NRCAM: variants seen among roughly 807,000 people sequenced by gnomAD.
The protein encoded by NRCAM is NgCAM-related cell adhesion molecule.
A neutral mutation model predicts 156.5 loss-of-function variants in NRCAM; 83 were observed. The observed-to-expected ratio is 0.53, with a 90% confidence interval of 0.44 to 0.64. NRCAM has a LOEUF of 0.64. NRCAM is among the 30% of genes least tolerant of loss of function. NRCAM has a pLI of 0.00. For missense variants in NRCAM, 1,417 were observed against 1,597.3 expected (o/e 0.89, Z 1.92); for synonymous variants, 538 against 563.9 (o/e 0.95, Z 0.65).
intron 20 of NRCAM, among the ~76,000 whole-genome samples, chr7:108,188,701 G>C (rs2068922145): frequency 7.1e-6 from 1 of 141,676 alleles, no homozygotes; most frequent in South Asian, 2.2e-4. Context: ...CAATGAGCTA[G>C]AAGACTGGGC....
At position 108,240,075 on chromosome 7, in the gene NRCAM, C is replaced by A. The variant is rs1235383454; in HGVS notation, c.-11G>T. ...TATTTTAAGCTGCATTAGCTTAACT[C>A]CTGCTGAGACTCACACACTGAATTT... On this transcript the variant is annotated 5_prime_UTR_variant, in exon 4 of 33. Coordinates refer to ENST00000379028, the MANE Select transcript of NRCAM (RefSeq NM_001037132.4). The A allele has an allele frequency of 1.3e-6, 2 of 1,563,438 alleles. No individual in the cohort carries two copies. The highest frequency in any genetic ancestry group is 1.8e-6 in the Non-Finnish European group (2 of 1,135,018).
chr7:108,312,849 G>A (rs1017770247), intron 2 of NRCAM, 118 bp from the exon 3 acceptor site: 2 of 152,114 alleles, frequency 1.3e-5, no homozygotes, highest in African/African-American at 4.8e-5. Context: ...TAAAGAGAGA[G>A]CCCTGCAAGG....
At chr7:108,215,835 A>C (rs2088241052) in intron 11 of NRCAM, among the ~76,000 whole-genome samples, 1 of 151,682 alleles carries the variant, frequency 6.6e-6, no homozygotes, top group African/African-American at 2.4e-5. Context: ...TCCTGAATAC[A>C]GCACACTGAT....
At chr7:108,175,259 T>C (rs1268424356) in intron 28 of NRCAM, 63 bp downstream of exon 28, 7 of 1,362,708 alleles carry the variant, frequency 5.1e-6, no homozygotes, top group Non-Finnish European at 7.1e-6. Flanking sequence ...CATGCTGCAC[T>C]TCCCCATGTT....
At chr7:108,294,058 AAGC>A (rs2098397482) in intron 3 of NRCAM, among the ~76,000 whole-genome samples, 1 of 152,196 alleles carries the variant, frequency 6.6e-6, no homozygotes, top group Admixed American at 6.5e-5. Context: ...AGCAATAAGA[AAGC>A]AGGATAAAGA....
intron 1 of NRCAM, among the ~76,000 whole-genome samples, chr7:108,421,659 G>C (rs1328090033): frequency 6.6e-6 from 1 of 152,144 alleles, no homozygotes. Flanking sequence ...AAATAAAAGA[G>C]GCAGGTATTG....
chr7:108,292,743 A>G (rs2098339029), intron 3 of NRCAM, among the ~76,000 whole-genome samples: 1 of 152,120 alleles, frequency 6.6e-6, no homozygotes, highest in Admixed American at 6.5e-5. Flanking sequence ...TCATAGGGTT[A>G]TTACGAAGTT....
At chr7:108,370,902 C>T (rs1188892867) in intron 2 of NRCAM, among the ~76,000 whole-genome samples, 1 of 152,100 alleles carries the variant, frequency 6.6e-6, no homozygotes, top group Non-Finnish European at 1.5e-5. Context: ...ATTTCTCCAA[C>T]CAGGTTCTAC....
In NRCAM at chr7:108,270,750, G is replaced by A. The variant is rs890202422; in HGVS notation, c.-106-30580C>T. Among the ~76,000 whole-genome samples the A allele has an allele frequency of 6.6e-5, 10 of 152,312 alleles. No homozygotes were observed. The Middle Eastern group carries it at 0.017, about 259-fold the overall frequency. ...AAAATTCTGATACTGAGGACATTAC[G>A]CCAAGTGAAATAAGCCAGTCAGAGA... On this transcript the variant is annotated intron_variant, in intron 3 of 32. Coordinates refer to ENST00000379028, the MANE Select transcript of NRCAM (RefSeq NM_001037132.4).
In NRCAM at chr7:108,182,085, C is replaced by G. The variant is rs902470363; in HGVS notation, c.2531-148G>C. ...GGCTTGAACACAGATTTTGGGGTAT[C>G]TGTTTGACTTTGTGAGAGATTTTTT... On this transcript the variant is annotated intron_variant, in intron 23 of 32. Transcript: ENST00000379028. 2.2e-5 allele frequency: 12 copies of G among 553,950 alleles called. No individual in the cohort carries two copies. In the African/African-American group the frequency reaches 2.3e-4, roughly 10 times the overall value. 34.3% of individuals were successfully genotyped at this position (553,950 alleles called of 1,614,324 possible). A position where few individuals can be genotyped will look rare whatever the true frequency, so the allele number is the denominator to read the frequency against.
chr7:108,389,608 G>T (rs1296906563), intron 2 of NRCAM, among the ~76,000 whole-genome samples: 3 of 152,188 alleles, frequency 2.0e-5, no homozygotes, highest in African/African-American at 7.2e-5. Flanking sequence ...TAGGAGTGGT[G>T]AGAGAGGGTA....
chr7:108,434,215 T>C (rs1829357512), intron 1 of NRCAM, among the ~76,000 whole-genome samples: 2 of 152,274 alleles, frequency 1.3e-5, no homozygotes, highest in South Asian at 4.1e-4. Flanking sequence ...GGTAATTCAC[T>C]CAACCAGGGC....
chr7:108,322,534 C>T (rs920146527), intron 2 of NRCAM, among the ~76,000 whole-genome samples: 2 of 152,016 alleles, frequency 1.3e-5, no homozygotes, highest in South Asian at 4.2e-4. Flanking sequence ...ATTTTTTGAA[C>T]CAAATGGAAC....
chr7:108,210,108 CTGA>C (rs149084394), intron 11 of NRCAM, among the ~76,000 whole-genome samples: 4,573 of 152,198 alleles, frequency 0.03, 209 homozygotes, highest in African/African-American at 0.1. Flanking sequence ...AGCAGTCTAT[CTGA>C]TGATGTTAAC....
chr7:108,347,040 T>TTTTG (rs1207310111), intron 2 of NRCAM, among the ~76,000 whole-genome samples: 1 of 136,134 alleles, frequency 7.3e-6, no homozygotes, highest in Non-Finnish European at 1.6e-5. Context: ...CTGTTTTTTT[T>TTTTG]TTTTTTTTTT....
chr7:108,369,703 G>T (rs1444924976), intron 2 of NRCAM, among the ~76,000 whole-genome samples: 2 of 152,202 alleles, frequency 1.3e-5, no homozygotes, highest in Admixed American at 6.5e-5. Flanking sequence ...CTGAATGTTT[G>T]TTAAAATGGC....
At position 108,157,445 on chromosome 7, in the gene NRCAM, T is replaced by C. The variant is rs73412320; in HGVS notation, c.3677+2018A>G. Among the ~76,000 whole-genome samples, 608 of 152,266 alleles carry C rather than the reference T, an allele frequency of 4.0e-3. 3 individuals are homozygous for C. Among genetic ancestry groups the C allele is most frequent in the African/African-American group, 0.014 (581 of 41,566 alleles). ...AGACACAAAATTCTATTAAAGTTGT[T>C]AGTAGATGGCTCATAGAAGAAAACA... On this transcript the variant is annotated intron_variant, in intron 32 of 32. Transcript: ENST00000379028.
chr7:108,316,699 C>T (rs1321890462), intron 2 of NRCAM, among the ~76,000 whole-genome samples: 2 of 151,004 alleles, frequency 1.3e-5, no homozygotes, highest in Non-Finnish European at 2.9e-5. Context: ...GCAGAACAAT[C>T]AATGGTGTGA....
At chr7:108,335,661 GA>G (rs1346077287) in intron 2 of NRCAM, among the ~76,000 whole-genome samples, 1 of 151,896 alleles carries the variant, frequency 6.6e-6, no homozygotes, top group Non-Finnish European at 1.5e-5. Flanking sequence ...GTACTGAAGT[GA>G]AAAAATGCTT....
Sources: gnomAD v4.1 joint callset for allele counts (sites outside exome capture counted in the v4.1 genomes callset) on GRCh38, gnomAD v4.1.1 for gene constraint, MANE v1.5 for transcripts, NCBI Gene and HGNC (gene_info 2026-07-23, HGNC 2026-07-21) for gene names.